LRFN3: variants seen among roughly 807,000 people sequenced by gnomAD.
The protein encoded by LRFN3 is leucine-rich repeat and fibronectin type-III domain-containing protein 3.
In LRFN3, 8 loss-of-function variants were observed where a neutral mutation model predicts 23.8. The ratio of observed to expected loss-of-function variants is 0.34; its 90% CI spans 0.20 to 0.61. The LOEUF (loss-of-function observed/expected upper bound fraction) is 0.61. Among genes scored for constraint, LRFN3 ranks in the 20% least tolerant of loss-of-function variants. The probability of loss-of-function intolerance (pLI) is 0.80; values close to 1 mark genes in which losing one functional copy is unlikely to be tolerated. For synonymous variants in LRFN3, 451 were observed against 450.6 expected, an observed-to-expected ratio of 1.00 and a Z score of -0.01; for missense variants, 736 against 935.3, an observed-to-expected ratio of 0.79 and a Z score of 2.78.
At chr19:35,937,825 G>A (rs144252764) in intron 1 of LRFN3, among the ~76,000 whole-genome samples, 93 of 152,212 alleles carry the variant, frequency 6.1e-4, no homozygotes, top group African/African-American at 2.0e-3. Context: ...TATCCGGTCC[G>A]ACCGTCTCCG....
Position 35,940,020 on chromosome 19 carries a change from G to T in LRFN3, c.595G>T (p.Ala199Ser). The T allele has an allele frequency of 6.2e-7, 1 of 1,612,204 alleles. No individual in the cohort carries two copies. Among genetic ancestry groups the T allele is most frequent in the Non-Finnish European group, 8.5e-7 (1 of 1,179,810 alleles). ...CCTGCTGGCTTCTGTGCCCGCCGGCGCTTTTTCCCGCCTGCACAAGCTGGC... is the reference window on the plus strand; with the variant it reads ...CCTGCTGGCTTCTGTGCCCGCCGGCTCTTTTTCCCGCCTGCACAAGCTGGC... ...HNLLASVPAGAFSRLHKLARL... is the reference protein window; with the variant it reads ...HNLLASVPAGSFSRLHKLARL... Residue 199 changes from alanine (A) to serine (S), a missense_variant, in exon 2 of 3, where the codon GCT becomes TCT. Physicochemically the swap from Ala to Ser is moderately conservative, Grantham distance 99. This residue lies in a region of LRFN3 where 446 missense variants were observed against 647.9 expected (regional missense o/e 0.69). Coordinates refer to ENST00000246529, the MANE Select transcript of LRFN3 (RefSeq NM_024509.2).
In LRFN3 at chr19:35,939,208, C is replaced by A. The variant is rs757607543; in HGVS notation, c.-16-202C>A. Among the ~76,000 whole-genome samples the A allele has an allele frequency of 3.9e-5, 6 of 152,318 alleles. No individual in the cohort carries two copies. In the East Asian group the frequency reaches 9.6e-4, roughly 24 times the overall value. On this transcript the variant is annotated intron_variant, in intron 1 of 2. Transcript: ENST00000246529. The surrounding 1 kb of genome is among the most constrained non-coding windows in gnomAD (Gnocchi z 6.4). ...CTTGAACTCCTGGCCTCAAGCCATC[C>A]TCCTGCCTCAGCCTCCCCAAATGCT...
intron 1 of LRFN3, among the ~76,000 whole-genome samples, chr19:35,938,616 C>A (rs1976082958): frequency 6.6e-6 from 1 of 152,198 alleles, no homozygotes. Context: ...TCCTCCTGAG[C>A]AGCTGTCCTG....
In LRFN3 at chr19:35,943,024, G is replaced by A. The variant is rs1360869426; in HGVS notation, c.1416-1524G>A. On this transcript the variant is annotated intron_variant, in intron 2 of 2. Coordinates refer to ENST00000246529, the MANE Select transcript of LRFN3 (RefSeq NM_024509.2). Reference sequence around the variant, plus strand: ...AGCCTGGGTGACAGAGTGAGACTCCGTCTCAAAAAAAAAAAAAAAAAGTCA... The same window carrying A: ...AGCCTGGGTGACAGAGTGAGACTCCATCTCAAAAAAAAAAAAAAAAAGTCA... Among the ~76,000 whole-genome samples, 28 of 144,950 alleles carry A rather than the reference G, an allele frequency of 1.9e-4. No homozygotes were observed. The South Asian group carries it at 3.9e-3, about 20-fold the overall frequency.
chr19:35,944,954 G>T lies in LRFN3; in HGVS notation c.1822G>T (p.Ala608Ser). 2 of 1,460,926 alleles carry T rather than the reference G, an allele frequency of 1.4e-6. No individual in the cohort carries two copies. Among genetic ancestry groups the T allele is most frequent in the Non-Finnish European group, 8.9e-7 (1 of 1,119,076 alleles). The allele number at this position is 1,460,926 out of a possible 1,614,324, so 90.5% of individuals were successfully genotyped here. A position where few individuals can be genotyped will look rare whatever the true frequency, so the allele number is the denominator to read the frequency against. The part of the protein sequence containing the change: ...PPAPEPAALR[A>S]HTVVQLDCEP... The stretch of plus-strand genomic sequence containing the variant: ...CGCCCCGGAGCCCGCGGCGCTCAGG[G>T]CCCACACCGTGGTCCAGCTGGACTG... The change falls in exon 3 of 3, where the codon GCC becomes TCC. Residue 608 changes from alanine (A) to serine (S), a missense_variant. Coordinates refer to ENST00000246529, the MANE Select transcript of LRFN3 (RefSeq NM_024509.2). The surrounding 1 kb of genome is among the most constrained non-coding windows in gnomAD (Gnocchi z 4.5).
At position 35,940,314 on chromosome 19, in the gene LRFN3, G is replaced by T. The variant is rs759071778; in HGVS notation, c.889G>T (p.Val297Leu). ...GGAGGAGTTTGTCTGCGAGCCGCCC[G>T]TGGTGACTCACCGCTCACCACCTCT... is the stretch of plus-strand genomic sequence containing the variant. ...GEEEFVCEPP[V>L]VTHRSPPLAV... is the part of the protein sequence containing the mutation. Residue 297 changes from valine to leucine, a missense_variant, in exon 2 of 3, where the codon GTG (valine) becomes TTG (leucine). Around this residue, in one of 2 missense-constraint regions of LRFN3, gnomAD observed 446 missense variants for 647.9 expected, o/e 0.69. Coordinates refer to ENST00000246529, the MANE Select transcript of LRFN3 (RefSeq NM_024509.2). 4.4e-6 allele frequency: 7 copies of T among 1,588,974 alleles called. No individual in the cohort carries two copies. The Admixed American group carries it at 6.8e-5, about 15-fold the overall frequency.
In LRFN3 at chr19:35,939,817, T is replaced by A; in HGVS notation, c.392T>A (p.Val131Asp). 1 of 1,602,764 alleles carries A rather than the reference T, an allele frequency of 6.2e-7. No homozygotes were observed. The highest frequency in any genetic ancestry group is 8.5e-7 in the Non-Finnish European group (1 of 1,179,764). Residue 131 changes from valine to aspartate, a missense_variant, in exon 2 of 3, where the codon GTC becomes GAC. Around this residue, in one of 2 missense-constraint regions of LRFN3, gnomAD observed 446 missense variants for 647.9 expected, o/e 0.69. Coordinates refer to ENST00000246529, the MANE Select transcript of LRFN3 (RefSeq NM_024509.2). The surrounding 1 kb of genome is among the most constrained non-coding windows in gnomAD (Gnocchi z 6.4). ...SLGEGQLRGLVNLRHLILSNN... is the reference protein window; with the variant it reads ...SLGEGQLRGLDNLRHLILSNN... Reference sequence around the variant, plus strand: ...GGCGAGGGCCAGCTGCGCGGCCTGGTCAACTTGCGCCACCTCATCCTCAGC... The same window carrying A: ...GGCGAGGGCCAGCTGCGCGGCCTGGACAACTTGCGCCACCTCATCCTCAGC...
Position 35,940,274 on chromosome 19 carries a change from C to G in LRFN3, c.849C>G (p.Phe283Leu). The change falls in exon 2 of 3, where the codon TTC becomes TTG. Residue 283 changes from phenylalanine (F) to leucine (L), a missense_variant. Around this residue, in one of 2 missense-constraint regions of LRFN3, gnomAD observed 446 missense variants for 647.9 expected, o/e 0.69. Transcript: ENST00000246529. ...ASPPALGGRYFWAVGEEEFVC... is the reference protein window; with the variant it reads ...ASPPALGGRYLWAVGEEEFVC... ...CACCTGCTCTGGGCGGCCGCTACTT[C>G]TGGGCGGTGGGCGAGGAGGAGTTTG... is the stretch of plus-strand genomic sequence containing the variant. The G allele has an allele frequency of 6.2e-7, 1 of 1,602,438 alleles. No individual in the cohort carries two copies. The highest frequency in any genetic ancestry group is 8.5e-7 in the Non-Finnish European group (1 of 1,177,204).
In LRFN3 at chr19:35,946,153, G is replaced by A. The variant is rs1490498614; in HGVS notation, c.*1134G>A. Among the ~76,000 whole-genome samples the A allele has an allele frequency of 1.3e-5, 2 of 151,958 alleles. No individual in the cohort carries two copies. The highest frequency in any genetic ancestry group is 2.9e-5 in the Non-Finnish European group (2 of 67,948). ...GATATGGCCAGTGGGGAACTTGGTA[G>A]GTGTAGGGGGCCCTGAGGATGTCCA... On this transcript the variant is annotated 3_prime_UTR_variant, in exon 3 of 3. Coordinates refer to ENST00000246529, the MANE Select transcript of LRFN3 (RefSeq NM_024509.2).
At position 35,939,383 on chromosome 19, in the gene LRFN3, C is replaced by A; in HGVS notation, c.-16-27C>A. 2 of 1,538,856 alleles carry A rather than the reference C, an allele frequency of 1.3e-6. No homozygotes were observed. The highest frequency in any genetic ancestry group is 1.7e-6 in the Non-Finnish European group (2 of 1,144,782). ...CAGCCCCTGCAGAACCCCTCTTCTG[C>A]CCTCACGCCTCCCCTCTTCTCCGCA... On this transcript the variant is annotated intron_variant, in intron 1 of 2. Coordinates refer to ENST00000246529, the MANE Select transcript of LRFN3 (RefSeq NM_024509.2). The surrounding 1 kb of genome is among the most constrained non-coding windows in gnomAD (Gnocchi z 6.4).
At chr19:35,938,489 T>C (rs1357543028) in intron 1 of LRFN3, among the ~76,000 whole-genome samples, 1 of 151,664 alleles carries the variant, frequency 6.6e-6, no homozygotes, top group Non-Finnish European at 1.5e-5. Context: ...TCTCTCTCAC[T>C]CACTGATGCC....
rs752779379 is a variant in LRFN3, at chr19:35,939,600, C to A, written c.175C>A (p.Arg59Ser). The change falls in exon 2 of 3, where the codon CGC becomes AGC. Residue 59 changes from arginine (R) to serine (S), a missense_variant. Physicochemically the swap from Arg to Ser is moderately radical, Grantham distance 110 (BLOSUM62 -1). Transcript: ENST00000246529. The surrounding 1 kb of genome is among the most constrained non-coding windows in gnomAD (Gnocchi z 6.4). ...GLLFVPPSLD[R>S]RAAELRLADN... ...CCTGTTCGTGCCACCCTCGCTGGACCGCCGGGCAGCCGAGCTGCGGCTGGC... is the reference window on the plus strand; with the variant it reads ...CCTGTTCGTGCCACCCTCGCTGGACAGCCGGGCAGCCGAGCTGCGGCTGGC... 2 of 1,608,970 alleles carry A rather than the reference C, an allele frequency of 1.2e-6. No homozygotes were observed. Among genetic ancestry groups the A allele is most frequent in the Non-Finnish European group, 1.7e-6 (2 of 1,179,428 alleles).
chr19:35,939,902 G>T lies in LRFN3; in HGVS notation c.477G>T (p.Glu159Asp). ...TGGATGATTGTGCCGAGACACTGGA[G>T]GACCTCGACCTCTCCTACAACAACC... is the stretch of plus-strand genomic sequence containing the variant. ...GALDDCAETLEDLDLSYNNLE... is the reference protein window; with the variant it reads ...GALDDCAETLDDLDLSYNNLE... Residue 159 changes from glutamate to aspartate, a missense_variant, in exon 2 of 3, where the codon GAG becomes GAT. Glu to Asp is a conservative substitution (Grantham distance 45). Around this residue, in one of 2 missense-constraint regions of LRFN3, gnomAD observed 446 missense variants for 647.9 expected, o/e 0.69. Transcript: ENST00000246529. The surrounding 1 kb of genome is among the most constrained non-coding windows in gnomAD (Gnocchi z 6.4). 1 of 1,602,578 alleles carries T rather than the reference G, an allele frequency of 6.2e-7. No homozygotes were observed.
In LRFN3 at chr19:35,945,030, C is replaced by T; in HGVS notation, c.*11C>T. ...CCTGTGGGACCCTAGCCAGGCGCCCCCCCCTCTAAGGGTCCTCTGGCCCCA... is the reference window on the plus strand; with the variant it reads ...CCTGTGGGACCCTAGCCAGGCGCCCTCCCCTCTAAGGGTCCTCTGGCCCCA... On this transcript the variant is annotated 3_prime_UTR_variant, in exon 3 of 3. Coordinates refer to ENST00000246529, the MANE Select transcript of LRFN3 (RefSeq NM_024509.2). 1 of 1,360,136 alleles carries T rather than the reference C, an allele frequency of 7.4e-7. No individual in the cohort carries two copies. The highest frequency in any genetic ancestry group is 9.4e-7 in the Non-Finnish European group (1 of 1,059,868). The allele number at this position is 1,360,136 out of a possible 1,614,324, so 84.3% of individuals were successfully genotyped here. A position where few individuals can be genotyped will look rare whatever the true frequency, so the allele number is the denominator to read the frequency against.
chr19:35,945,192 C>T lies in LRFN3; in HGVS notation c.*173C>T. ...AAAGTCCTATTTTTCCAAGCTTGGGCGAAGACCCTTGCCCTCGTCTCTGTC... is the reference window on the plus strand; with the variant it reads ...AAAGTCCTATTTTTCCAAGCTTGGGTGAAGACCCTTGCCCTCGTCTCTGTC... On this transcript the variant is annotated 3_prime_UTR_variant, in exon 3 of 3. Transcript: ENST00000246529. 2 of 476,534 alleles carry T rather than the reference C, an allele frequency of 4.2e-6. No individual in the cohort carries two copies. The highest frequency in any genetic ancestry group is 7.3e-6 in the Non-Finnish European group (2 of 275,792). 29.5% of individuals were successfully genotyped at this position (476,534 alleles called of 1,614,324 possible).
At chr19:35,943,104 A>G (rs115747202) in intron 2 of LRFN3, among the ~76,000 whole-genome samples, 4,108 of 152,076 alleles carry the variant, frequency 0.027, 194 homozygotes, top group African/African-American at 0.093. Flanking sequence ...TGTCCTAGAC[A>G]GTCACCCTGC....
rs772786675 is a variant in LRFN3, at chr19:35,945,996, CAG to C, written c.*981_*982del. 3.3e-5 allele frequency among the ~76,000 whole-genome samples: 5 copies of C among 152,058 alleles called. No individual in the cohort carries two copies. In the South Asian group the frequency reaches 6.2e-4, roughly 19 times the overall value. On this transcript the variant is annotated 3_prime_UTR_variant, in exon 3 of 3. Transcript: ENST00000246529. ...GGAACAAGAAAAGGGAGTGGGTTGA[CAG>C]AGACACTCGGGAAACTGTGGGAAGC...
rs1267485193 is a variant in LRFN3, at chr19:35,944,677, C to T, written c.1545C>T (p.Cys515=). 3.7e-6 allele frequency: 6 copies of T among 1,600,018 alleles called. No individual in the cohort carries two copies. In the East Asian group the frequency reaches 1.4e-4, roughly 36 times the overall value. ...TCACGGCCACGCGGCCTGTGGGCTG[C>T]GCCCGCTTCTCCACCGAACCTGCGC... The part of the protein sequence containing the change: ...TGLTATRPVG[C]ARFSTEPALR... Residue 515 remains cysteine (C), a synonymous_variant, in exon 3 of 3, where the codon TGC becomes TGT. Coordinates refer to ENST00000246529, the MANE Select transcript of LRFN3 (RefSeq NM_024509.2). This position sits in a 1 kb window ranked among gnomAD's most constrained non-coding sequence, Gnocchi z 4.5.
At position 35,946,343 on chromosome 19, in the gene LRFN3, CTT is replaced by C. The variant is rs71836568; in HGVS notation, c.*1335_*1336del. 4.8e-5 allele frequency among the ~76,000 whole-genome samples: 7 copies of C among 144,568 alleles called. No individual in the cohort carries two copies. Among genetic ancestry groups the C allele is most frequent in the Admixed American group, 6.9e-5 (1 of 14,444 alleles). The allele number at this position is 144,568 out of a possible 152,430, so 94.8% of individuals were successfully genotyped here. On this transcript the variant is annotated 3_prime_UTR_variant, in exon 3 of 3. Transcript: ENST00000246529. The stretch of plus-strand genomic sequence containing the variant: ...CACTATGGGACATTTTTTCTTTTTT[CTT>C]TTTTTTTTTTACAGATGGGGTCTCA...
Sources: gnomAD v4.1 joint callset for allele counts (sites outside exome capture counted in the v4.1 genomes callset) on GRCh38, gnomAD v4.1.1 for gene constraint, gnomAD v4.1.1 regional missense constraint, Gnocchi (gnomAD v3.1) non-coding constraint, MANE v1.5 for transcripts, NCBI Gene and HGNC (gene_info 2026-07-23, HGNC 2026-07-21) for gene names.